The following CDH5 variants were observed in gnomAD, a reference collection of about 807,000 sequenced individuals.
The protein encoded by CDH5 is cadherin-5.
Under a neutral mutation model 62.0 loss-of-function variants are expected in CDH5, and 28 were observed. The observed-to-expected ratio is 0.45, with a 90% CI of 0.33 to 0.62. The LOEUF is 0.62. CDH5 is among the 20% of genes least tolerant of loss of function. The pLI, the probability that CDH5 is intolerant of heterozygous loss-of-function variation, is 0.02. For synonymous variants in CDH5, 464 were observed against 445.8 expected, an observed-to-expected ratio of 1.04 and a Z score of -0.52; for missense variants, 940 against 1,065.1, an observed-to-expected ratio of 0.88 and a Z score of 1.63.
intron 1 of CDH5, among the ~76,000 whole-genome samples, chr16:66,372,165 C>T (rs1960703471): frequency 1.3e-5 from 2 of 152,244 alleles, no homozygotes; most frequent in African/African-American, 2.4e-5. Flanking sequence ...AGTCTGTATG[C>T]TCCCACAGCC....
At position 66,400,783 on chromosome 16, in the gene CDH5, A is replaced by G; in HGVS notation, c.1604A>G (p.Asn535Ser). The G allele has an allele frequency of 6.2e-7, 1 of 1,614,242 alleles. No homozygotes were observed. Among genetic ancestry groups the G allele is most frequent in the South Asian group, 1.1e-5 (1 of 91,090 alleles). The stretch of plus-strand genomic sequence containing the variant: ...TTGGTGTTTCCAGATAACACGGCCA[A>G]CATCACAGTCAAGTATGGGCAGTTT... ...TLTDNHDNTANITVKYGQFDR... is the reference protein window; with the variant it reads ...TLTDNHDNTASITVKYGQFDR... The change falls in exon 11 of 12, where the codon AAC becomes AGC. Residue 535 changes from asparagine (N) to serine (S), a missense_variant. By Grantham distance (46) the Asn-to-Ser change is conservative. Transcript: ENST00000341529.
chr16:66,383,177 G>A (rs577106218), intron 2 of CDH5, among the ~76,000 whole-genome samples: 1 of 152,282 alleles, frequency 6.6e-6, no homozygotes, highest in South Asian at 2.1e-4. Flanking sequence ...TCTGTGGAAT[G>A]TAGTATCCAG....
intron 8 of CDH5, among the ~76,000 whole-genome samples, chr16:66,397,439 C>T (rs1426225509): frequency 6.6e-6 from 1 of 152,114 alleles, no homozygotes; most frequent in Non-Finnish European, 1.5e-5. Context: ...CCAGGCTTGT[C>T]TCCAACTCTG....
intron 1 of CDH5, among the ~76,000 whole-genome samples, chr16:66,374,131 C>T (rs529410331): frequency 3.3e-5 from 5 of 152,272 alleles, no homozygotes; most frequent in East Asian, 1.9e-4. Context: ...AAAATGGGAA[C>T]GCAGACAACT....
At chr16:66,388,206 C>T in intron 3 of CDH5, 118 bp from the exon 4 acceptor site, 1 of 689,254 alleles carries the variant, frequency 1.5e-6, no homozygotes, top group Non-Finnish European at 2.6e-6. Flanking sequence ...CCTTTTATTC[C>T]CAGGACCTGG....
At chr16:66,377,444 C>G (rs781331301) in intron 1 of CDH5, 1 of 152,270 alleles carries the variant, frequency 6.6e-6, no homozygotes, top group African/African-American at 2.4e-5. Context: ...CAGGGGCCGT[C>G]GATACTAAAA....
intron 8 of CDH5, 106 bp downstream of exon 8, chr16:66,396,307 C>A: frequency 1.5e-6 from 2 of 1,364,242 alleles, no homozygotes; most frequent in Non-Finnish European, 2.1e-6. Context: ...ATTAGAAGTG[C>A]CTGCTGAAGC....
At chr16:66,375,487 A>G (rs1432165882) in intron 1 of CDH5, among the ~76,000 whole-genome samples, 2 of 152,094 alleles carry the variant, frequency 1.3e-5, no homozygotes, top group Non-Finnish European at 2.9e-5. Flanking sequence ...CCGCATTCAC[A>G]CCACACTCCA....
chr16:66,384,513 G>A (rs1412914270), intron 2 of CDH5, among the ~76,000 whole-genome samples: 3 of 152,034 alleles, frequency 2.0e-5, no homozygotes, highest in Non-Finnish European at 4.4e-5. Context: ...AGCATTCTGA[G>A]AGGCCAAGGC....
At chr16:66,372,413 G>A (rs1170414120) in intron 1 of CDH5, among the ~76,000 whole-genome samples, 2 of 152,246 alleles carry the variant, frequency 1.3e-5, no homozygotes, top group Non-Finnish European at 2.9e-5. Flanking sequence ...GAGGAGAGAG[G>A]ACAGCAAGTG....
At chr16:66,396,276 T>C in intron 8 of CDH5, 75 bp downstream of exon 8, 1 of 1,579,812 alleles carries the variant, frequency 6.3e-7, no homozygotes, top group Non-Finnish European at 8.7e-7. Context: ...GCATAATCAA[T>C]AATTTGGGGT....
chr16:66,402,807 T>G lies in CDH5; in HGVS notation c.1993T>G (p.Ser665Ala). Residue 665 changes from serine (S) to alanine (A), a missense_variant, in exon 12 of 12, where the codon TCG (serine) becomes GCG (alanine). Ser to Ala is a moderately conservative substitution (Grantham distance 99). Coordinates refer to ENST00000341529, the MANE Select transcript of CDH5 (RefSeq NM_001795.5). Reference sequence around the variant, plus strand: ...CAGCTACGATGTGTCGGTGCTCAACTCGGTGCGCCGCGGCGGGGCCAAGCC... The same window carrying G: ...CAGCTACGATGTGTCGGTGCTCAACGCGGTGCGCCGCGGCGGGGCCAAGCC... Reference protein sequence around the residue: ...TTSYDVSVLNSVRRGGAKPPR... With the variant: ...TTSYDVSVLNAVRRGGAKPPR... 1 of 1,601,290 alleles carries G rather than the reference T, an allele frequency of 6.2e-7. No homozygotes were observed. The highest frequency in any genetic ancestry group is 8.5e-7 in the Non-Finnish European group (1 of 1,174,902).
intron 11 of CDH5, among the ~76,000 whole-genome samples, chr16:66,401,264 C>T (rs537932840): frequency 8.8e-4 from 134 of 152,298 alleles, no homozygotes; most frequent in African/African-American, 3.0e-3. Context: ...TCCTCCCCCA[C>T]GCATCAGGCC....
Position 66,401,026 on chromosome 16 carries a change from G to A in CDH5, c.1837+10G>A. On this transcript the variant is annotated intron_variant, in intron 11 of 11. Transcript: ENST00000341529. The stretch of plus-strand genomic sequence containing the variant: ...ATCCTCACCATCACAGGTCAGTGCT[G>A]GGCAGGGTGGGGAGAAGACACAGTG... 1 of 1,613,698 alleles carries A rather than the reference G, an allele frequency of 6.2e-7. No homozygotes were observed. The highest frequency in any genetic ancestry group is 8.5e-7 in the Non-Finnish European group (1 of 1,180,038).
At chr16:66,400,638 C>G (rs1961263074) in intron 10 of CDH5, 133 bp from the exon 11 acceptor site, 4 of 1,007,922 alleles carry the variant, frequency 4.0e-6, no homozygotes, top group Non-Finnish European at 6.1e-6. Flanking sequence ...ACAAGAGGCG[C>G]TGGGTGCAAA....
In CDH5 at chr16:66,402,926, G is replaced by C. The variant is rs1961318773; in HGVS notation, c.2112G>C (p.Glu704Asp). ...HAPGAHGGPGEMAAMIEVKKD... is the reference protein window; with the variant it reads ...HAPGAHGGPGDMAAMIEVKKD... ...CTGGGGCACACGGAGGGCCCGGGGA[G>C]ATGGCAGCCATGATCGAGGTGAAGA... Residue 704 changes from glutamate (E) to aspartate (D), a missense_variant, in exon 12 of 12, where the codon GAG (glutamate) becomes GAC (aspartate). Transcript: ENST00000341529. 1.4e-5 allele frequency: 23 copies of C among 1,612,210 alleles called. No homozygotes were observed. The highest frequency in any genetic ancestry group is 1.9e-5 in the Non-Finnish European group (23 of 1,179,862).
intron 9 of CDH5, 107 bp downstream of exon 9, chr16:66,398,213 A>C (rs1298603595): frequency 7.5e-7 from 1 of 1,338,054 alleles, no homozygotes; most frequent in Non-Finnish European, 1.1e-6. Context: ...AATAGCCTTG[A>C]GGAAAATAAC....
intron 1 of CDH5, among the ~76,000 whole-genome samples, chr16:66,375,949 A>T (rs918453808): frequency 1.3e-5 from 2 of 152,034 alleles, no homozygotes; most frequent in African/African-American, 4.8e-5. Context: ...TCTACTAAAA[A>T]TACAAAAAAA....
intron 3 of CDH5, 60 bp from the exon 4 acceptor site, chr16:66,388,264 G>A: frequency 9.6e-7 from 1 of 1,046,122 alleles, no homozygotes; most frequent in South Asian, 1.3e-5. Flanking sequence ...CTCTGTTCCA[G>A]GAATGGGGTA....
Sources: allele counts gnomAD v4.1 joint callset (sites outside exome capture counted in the v4.1 genomes callset), GRCh38; gene constraint gnomAD v4.1.1; transcripts MANE v1.5; gene names NCBI Gene and HGNC (gene_info 2026-07-23, HGNC 2026-07-21).